Variants in TTC34 observed in about 807,000 individuals in gnomAD.
TTC34 encodes tetratricopeptide repeat domain 34.
Under a neutral mutation model 40.7 loss-of-function variants are expected in TTC34, and 44 were observed. The ratio of observed to expected loss-of-function variants is 1.08; its 90% CI spans 0.85 to 1.39. The LOEUF (loss-of-function observed/expected upper bound fraction) is 1.39. Ranked by LOEUF, TTC34 falls within the 40% of genes most tolerant of loss-of-function variation. The pLI, the probability that TTC34 is intolerant of heterozygous loss-of-function variation, is 0.00. For synonymous variants in TTC34, 422 were observed against 398.6 expected (o/e 1.06, Z -0.70); for missense variants, 884 against 838.0 (o/e 1.05, Z -0.68).
intron 6 of TTC34, among the ~76,000 whole-genome samples, chr1:2,684,035 G>A (rs71267398): frequency 2.7e-4 from 36 of 133,172 alleles, no homozygotes; most frequent in African/African-American, 9.2e-4. Flanking sequence ...GCACCCTGCA[G>A]CCCCAGGTGA....
chr1:2,750,937 G>A (rs1403040487), intron 6 of TTC34, among the ~76,000 whole-genome samples: 3 of 111,938 alleles, frequency 2.7e-5, no homozygotes, highest in Non-Finnish European at 5.2e-5. Flanking sequence ...CTTCAGGCGA[G>A]CATCGGACAG....
At chr1:2,751,411 A>C (rs1641314882) in intron 6 of TTC34, among the ~76,000 whole-genome samples, 2 of 138,892 alleles carry the variant, frequency 1.4e-5, no homozygotes, top group African/African-American at 2.8e-5. Context: ...CCACACACAC[A>C]GGTGGGCATC....
At chr1:2,660,774 C>CG (rs1639522263) in intron 6 of TTC34, among the ~76,000 whole-genome samples, 1 of 135,458 alleles carries the variant, frequency 7.4e-6, no homozygotes, top group African/African-American at 3.0e-5. Context: ...ATCTGACAGA[C>CG]TGGAGCAGCA....
intron 2 of TTC34, among the ~76,000 whole-genome samples, chr1:2,798,753 C>T (rs1643738784): frequency 7.2e-6 from 1 of 138,564 alleles, no homozygotes. Context: ...CTCCCAGCCT[C>T]CCAGCCTCTC....
At chr1:2,685,601 C>A (rs570460178) in intron 6 of TTC34, among the ~76,000 whole-genome samples, 2 of 131,156 alleles carry the variant, frequency 1.5e-5, no homozygotes, top group East Asian at 4.6e-4. Flanking sequence ...ACCCACACCC[C>A]CAGGCGAGCA....
intron 6 of TTC34, among the ~76,000 whole-genome samples, chr1:2,652,144 AGCCTGGAACACAAC>A (rs1557584512): frequency 2.1e-4 from 20 of 96,166 alleles, no homozygotes; most frequent in Admixed American, 4.1e-4. Context: ...AGCATCCGAC[AGCCTGGAACACAAC>A]CCACACCCCC....
intron 5 of TTC34, among the ~76,000 whole-genome samples, chr1:2,784,914 C>T (rs1184447143): frequency 6.6e-6 from 1 of 152,130 alleles, no homozygotes; most frequent in African/African-American, 2.4e-5. Flanking sequence ...TTACTGTGCC[C>T]CTTCTGGGTG....
chr1:2,786,952 C>A (rs1643598522), intron 4 of TTC34, among the ~76,000 whole-genome samples: 1 of 152,226 alleles, frequency 6.6e-6, no homozygotes, highest in African/African-American at 2.4e-5. Flanking sequence ...TCACCCCAGG[C>A]CCCAAGGCCT....
intron 5 of TTC34, 37 bp downstream of exon 5, chr1:2,785,782 C>T (rs1643577620): frequency 6.5e-7 from 1 of 1,530,674 alleles, no homozygotes; most frequent in Non-Finnish European, 8.8e-7. Flanking sequence ...GTGCCTGGCA[C>T]AAGACTGGGC....
At chr1:2,683,179 C>T (rs533129915) in intron 6 of TTC34, among the ~76,000 whole-genome samples, 16 of 138,346 alleles carry the variant, frequency 1.2e-4, no homozygotes, top group South Asian at 4.8e-4. Flanking sequence ...CAGCCTGGAG[C>T]GGAACCCACG....
chr1:2,641,509 C>G, exon 9 of TTC34: 1 of 1,535,584 alleles, frequency 6.5e-7, no homozygotes, highest in East Asian at 2.4e-5. Context: ...CCAGGCAGCA[C>G]TGCCCGCGGA....
intron 6 of TTC34, among the ~76,000 whole-genome samples, chr1:2,687,756 A>G: frequency 6.7e-6 from 1 of 149,428 alleles, no homozygotes; most frequent in East Asian, 2.0e-4. Flanking sequence ...AGCCTGGAGC[A>G]GAACCCACAC....
chr1:2,769,374 C>G (rs1417066962), intron 6 of TTC34, among the ~76,000 whole-genome samples: 3 of 31,266 alleles, frequency 9.6e-5, no homozygotes, highest in Non-Finnish European at 1.6e-4. Context: ...CAGCCTGGAA[C>G]AGCACCCCAC....
chr1:2,750,085 CCCCAGTGAG>C (rs2100426475), intron 6 of TTC34, among the ~76,000 whole-genome samples: 1 of 136,676 alleles, frequency 7.3e-6, no homozygotes, highest in East Asian at 2.3e-4. Flanking sequence ...GCAGGCACAC[CCCCAGTGAG>C]CATCTGACAG....
chr1:2,656,479 C>T (rs1333018104), intron 6 of TTC34, among the ~76,000 whole-genome samples: 9 of 13,436 alleles, frequency 6.7e-4, no homozygotes, highest in South Asian at 4.0e-3. Flanking sequence ...ACGTGACAGC[C>T]TGGAAGAGCA....
chr1:2,768,247 C>G (rs1641851928), intron 6 of TTC34, among the ~76,000 whole-genome samples: 3 of 151,948 alleles, frequency 2.0e-5, no homozygotes, highest in Non-Finnish European at 4.4e-5. Context: ...GAGTGCCATT[C>G]CAGGCTGCCA....
At chr1:2,695,583 A>G (rs1640824984) in intron 6 of TTC34, among the ~76,000 whole-genome samples, 1 of 66,448 alleles carries the variant, frequency 1.5e-5, no homozygotes, top group African/African-American at 5.3e-5. Flanking sequence ...GACAGCCTGG[A>G]GCAGCACCCA....
At chr1:2,685,741 C>G (rs1319754316) in intron 6 of TTC34, among the ~76,000 whole-genome samples, 3 of 125,454 alleles carry the variant, frequency 2.4e-5, no homozygotes, top group African/African-American at 6.1e-5. Context: ...ATCTGATGGT[C>G]TGGAGCAGAA....
Position 2,755,335 on chromosome 1 carries a change from C to G in TTC34, c.2226+28274G>C, listed in dbSNP as rs1172881458. On this transcript the variant is annotated intron_variant, in intron 6 of 8. Transcript: ENST00000401095. The stretch of plus-strand genomic sequence containing the variant: ...GAGCATCGGACAGCCTGGAGCAGCA[C>G]CCACACTGCCAGGCGAGCATCCGCC... Among the ~76,000 whole-genome samples, 80 of 34,456 alleles carry G rather than the reference C, an allele frequency of 2.3e-3. 1 individual carries two copies. Among genetic ancestry groups the G allele is most frequent in the Admixed American group, 4.2e-3 (15 of 3,582 alleles). 22.6% of individuals were successfully genotyped at this position (34,456 alleles called of 152,430 possible).
Sources: gnomAD v4.1 joint callset for allele counts (sites outside exome capture counted in the v4.1 genomes callset) on GRCh38, gnomAD v4.1.1 for gene constraint, MANE v1.5 for transcripts, NCBI Gene and HGNC (gene_info 2026-07-23, HGNC 2026-07-21) for gene names.